GFRA1: variants seen among roughly 807,000 people sequenced by gnomAD.
GFRA1 encodes GDNF family receptor alpha 1, also known as GDNF family receptor alpha-1.
A neutral mutation model predicts 51.6 loss-of-function variants in GFRA1; 16 were observed. That is an observed-to-expected ratio of 0.31 (90% CI 0.21 to 0.47). The LOEUF (loss-of-function observed/expected upper bound fraction) is 0.47. Ranked by LOEUF, GFRA1 falls within the 20% of genes least tolerant of loss-of-function variation. The probability of loss-of-function intolerance (pLI) is 1.00; values close to 1 mark genes in which losing one functional copy is unlikely to be tolerated. For synonymous variants in GFRA1, 270 were observed against 241.3 expected (o/e 1.12, Z -1.10); for missense variants, 530 against 594.3 (o/e 0.89, Z 1.13).
intron 9 of GFRA1, among the ~76,000 whole-genome samples, chr10:116,081,567 C>T (rs1211261808): frequency 1.3e-5 from 2 of 152,078 alleles, no homozygotes; most frequent in East Asian, 1.9e-4. Flanking sequence ...CTGTGTGCCT[C>T]GGGTCTCTTG....
intron 4 of GFRA1, among the ~76,000 whole-genome samples, chr10:116,265,345 A>G (rs1969577266): frequency 6.6e-6 from 1 of 152,134 alleles, no homozygotes; most frequent in Non-Finnish European, 1.5e-5. Flanking sequence ...ATCAACTGTG[A>G]TTGTATTTTA....
chr10:116,223,248 T>C (rs1259104078), intron 4 of GFRA1, among the ~76,000 whole-genome samples: 6 of 152,358 alleles, frequency 3.9e-5, no homozygotes, highest in African/African-American at 1.4e-4. Context: ...AACATTCATA[T>C]TCTCCTAGTC....
chr10:116,086,516 G>A, intron 9 of GFRA1, among the ~76,000 whole-genome samples: 1 of 152,242 alleles, frequency 6.6e-6, no homozygotes, highest in East Asian at 1.9e-4. Flanking sequence ...GACAAGAGCA[G>A]GGTCTGAAAT....
chr10:116,209,192 G>A (rs1224265317), intron 5 of GFRA1, among the ~76,000 whole-genome samples: 1 of 152,198 alleles, frequency 6.6e-6, no homozygotes, highest in Non-Finnish European at 1.5e-5. Flanking sequence ...ACATGCCACA[G>A]ACACAGCAGA....
intron 5 of GFRA1, among the ~76,000 whole-genome samples, chr10:116,163,627 A>G (rs918099118): frequency 7.2e-5 from 11 of 152,194 alleles, no homozygotes; most frequent in Non-Finnish European, 1.0e-4. Context: ...TCACTCCCCC[A>G]GCATGGGGTG....
rs190481487 is a variant in GFRA1 at position 116,077,962 on chromosome 10, C to T, written c.1197+11779G>A. On this transcript the variant is annotated intron_variant, in intron 9 of 10. Coordinates refer to ENST00000355422, the MANE Select transcript of GFRA1 (RefSeq NM_005264.8). ...CAGGAACAGCACTGTTTTCCCTTAA[C>T]GTCTCCCCATGAGTGAGATTTTGTA... Among the ~76,000 whole-genome samples, 85 of 152,324 alleles carry T rather than the reference C, an allele frequency of 5.6e-4. No homozygotes were observed. In the East Asian group the frequency reaches 0.015, roughly 26 times the overall value.
Position 116,093,802 on chromosome 10 carries a change from A to C in GFRA1, c.915T>G (p.Ser305Arg). ...CACACCATGGGGCCACACTGAGGCT[A>C]CTGGAGTCTATGTAGTTGGGGGTCA... ...TVMTPNYIDS[S>R]SLSVAPWCDC... is the part of the protein sequence containing the mutation. Residue 305 changes from serine to arginine, a missense_variant, in exon 8 of 11, where the codon AGT becomes AGG. Coordinates refer to ENST00000355422, the MANE Select transcript of GFRA1 (RefSeq NM_005264.8). 6.2e-7 allele frequency: 1 copy of C among 1,614,016 alleles called. No homozygotes were observed. Among genetic ancestry groups the C allele is most frequent in the Non-Finnish European group, 8.5e-7 (1 of 1,179,872 alleles).
intron 8 of GFRA1, among the ~76,000 whole-genome samples, chr10:116,090,834 T>C (rs1160947403): frequency 6.6e-6 from 1 of 152,180 alleles, no homozygotes; most frequent in Non-Finnish European, 1.5e-5. Flanking sequence ...TTTTTCTATA[T>C]ACAAGACAGA....
intron 4 of GFRA1, among the ~76,000 whole-genome samples, chr10:116,245,841 T>C (rs1393234027): frequency 1.3e-5 from 2 of 152,178 alleles, no homozygotes; most frequent in Non-Finnish European, 2.9e-5. Flanking sequence ...TCTGTAGGGT[T>C]CTATGATTCC....
At position 116,061,062 on chromosome 10, in the gene GFRA1, A is replaced by G. The variant is rs1462057374; in HGVS notation, c.*3336T>C. 2.0e-5 allele frequency: 3 copies of G among 152,132 alleles called. No individual in the cohort carries two copies. In the South Asian group the frequency reaches 6.2e-4, roughly 32 times the overall value. The allele number at this position is 152,132 out of a possible 1,614,324, so 9.4% of individuals were successfully genotyped here. ...CTTGGGAGTGTCTGATTTAGAGACA[A>G]GAAGGCAAGAGGGAGACGGGCGGCA... On this transcript the variant is annotated 3_prime_UTR_variant, in exon 11 of 11. Coordinates refer to ENST00000355422, the MANE Select transcript of GFRA1 (RefSeq NM_005264.8).
chr10:116,071,658 A>G (rs1955398802), intron 9 of GFRA1, among the ~76,000 whole-genome samples: 1 of 152,170 alleles, frequency 6.6e-6, no homozygotes, highest in African/African-American at 2.4e-5. Flanking sequence ...TGTGCAATTT[A>G]GTTTGAGCTT....
chr10:116,090,765 A>G (rs1956301337), intron 8 of GFRA1, among the ~76,000 whole-genome samples: 1 of 152,158 alleles, frequency 6.6e-6, no homozygotes, highest in Non-Finnish European at 1.5e-5. Flanking sequence ...ATAAAAAACC[A>G]AACTCCTCCA....
chr10:116,249,770 A>G (rs1968167416), intron 4 of GFRA1, among the ~76,000 whole-genome samples: 1 of 152,182 alleles, frequency 6.6e-6, no homozygotes, highest in Non-Finnish European at 1.5e-5. Flanking sequence ...TTTTCTTGGG[A>G]AAACTACCCA....
chr10:116,102,199 A>C (rs529766563), intron 6 of GFRA1, among the ~76,000 whole-genome samples: 6 of 152,330 alleles, frequency 3.9e-5, no homozygotes, highest in Admixed American at 1.3e-4. Flanking sequence ...GAAGGGTAGA[A>C]GTGTGGGGGC....
At chr10:116,210,095 G>A (rs1253052079) in intron 5 of GFRA1, among the ~76,000 whole-genome samples, 1 of 152,114 alleles carries the variant, frequency 6.6e-6, no homozygotes. Flanking sequence ...GTTACTGACA[G>A]GCAAATCCCA....
chr10:116,196,906 G>A (rs1300442429), intron 5 of GFRA1, among the ~76,000 whole-genome samples: 1 of 147,494 alleles, frequency 6.8e-6, no homozygotes, highest in Non-Finnish European at 1.5e-5. Context: ...TGTCAGGAGG[G>A]CCATGCTGAA....
At chr10:116,102,196 A>G (rs1289427121) in intron 6 of GFRA1, among the ~76,000 whole-genome samples, 1 of 152,214 alleles carries the variant, frequency 6.6e-6, no homozygotes, top group Non-Finnish European at 1.5e-5. Flanking sequence ...TCTGAAGGGT[A>G]GAAGTGTGGG....
At chr10:116,094,404 G>A (rs1396604034) in intron 7 of GFRA1, among the ~76,000 whole-genome samples, 1 of 152,114 alleles carries the variant, frequency 6.6e-6, no homozygotes, top group Non-Finnish European at 1.5e-5. Flanking sequence ...AACAAACAGT[G>A]GAAATTCTCT....
intron 5 of GFRA1, among the ~76,000 whole-genome samples, chr10:116,150,776 A>G (rs1959029466): frequency 6.6e-6 from 1 of 152,242 alleles, no homozygotes; most frequent in Admixed American, 6.5e-5. Flanking sequence ...GCATCCCTAC[A>G]CGTGATGTTA....
Sources: gnomAD v4.1 joint callset for allele counts (sites outside exome capture counted in the v4.1 genomes callset) on GRCh38, gnomAD v4.1.1 for gene constraint, MANE v1.5 for transcripts, NCBI Gene and HGNC (gene_info 2026-07-23, HGNC 2026-07-21) for gene names.